ATP2C2: variants seen among roughly 807,000 people sequenced by gnomAD.
ATP2C2 encodes the protein calcium-transporting ATPase type 2C member 2.
A neutral mutation model predicts 110.8 loss-of-function variants in ATP2C2; 171 were observed. That is an observed-to-expected ratio of 1.54 (90% CI 1.36 to 1.75). The LOEUF is 1.75. Ranked by LOEUF, ATP2C2 falls within the 40% of genes most tolerant of loss-of-function variation. The probability of loss-of-function intolerance (pLI) is 0.00; values close to 1 mark genes in which losing one functional copy is unlikely to be tolerated. For missense variants in ATP2C2, 1,963 were observed against 1,235.0 expected (o/e 1.59, Z -8.84); for synonymous variants, 804 against 508.4 (o/e 1.58, Z -7.82).
chr16:84,411,024 G>A, intron 6 of ATP2C2: 2 of 536,434 alleles, frequency 3.7e-6, no homozygotes, highest in Non-Finnish European at 6.7e-6. Flanking sequence ...ACAGGTAGCA[G>A]GAGTGACTCT....
At position 84,425,002 on chromosome 16, in the gene ATP2C2, CA is replaced by C. The variant is rs575125645; in HGVS notation, c.920-732del. Among the ~76,000 whole-genome samples the C allele has an allele frequency of 5.3e-3, 806 of 152,240 alleles. 9 individuals carry two copies. The highest frequency in any genetic ancestry group is 0.019 in the African/African-American group (769 of 41,512). On this transcript the variant is annotated intron_variant, in intron 10 of 26. Coordinates refer to ENST00000262429, the MANE Select transcript of ATP2C2 (RefSeq NM_014861.4). ...TTCATTTGGGTTCTAGCTAAGATTT[CA>C]GCTGATGACTGAGTTTAGTAGCCAA...
chr16:84,427,836 G>C (rs76873597), intron 11 of ATP2C2, among the ~76,000 whole-genome samples: 1,788 of 152,218 alleles, frequency 0.012, 27 homozygotes, highest in African/African-American at 0.041. Flanking sequence ...GTTTCCTTCG[G>C]GGGTGAAGAA....
chr16:84,435,880 C>T (rs1053898545), intron 11 of ATP2C2, among the ~76,000 whole-genome samples: 2 of 151,550 alleles, frequency 1.3e-5, no homozygotes, highest in Non-Finnish European at 2.9e-5. Flanking sequence ...TGTGATCCCA[C>T]CACTTTGGGA....
intron 4 of ATP2C2, among the ~76,000 whole-genome samples, chr16:84,409,095 A>C (rs1020072765): frequency 6.6e-6 from 1 of 152,122 alleles, no homozygotes; most frequent in Non-Finnish European, 1.5e-5. Context: ...TGAATGACCT[A>C]TTCTGGATAT....
intron 21 of ATP2C2, among the ~76,000 whole-genome samples, chr16:84,458,727 T>G (rs546946611): frequency 6.6e-6 from 1 of 152,182 alleles, no homozygotes; most frequent in Non-Finnish European, 1.5e-5. Flanking sequence ...CCTCCGGACC[T>G]CATTTTTAGG....
At position 84,460,811 on chromosome 16, in the gene ATP2C2, G is replaced by A. The variant is rs770577625; in HGVS notation, c.2481+10G>A. The A allele has an allele frequency of 4.3e-5, 69 of 1,606,578 alleles. No individual in the cohort carries two copies. Among genetic ancestry groups the A allele is most frequent in the Non-Finnish European group, 5.9e-5 (69 of 1,175,304 alleles). On this transcript the variant is annotated intron_variant, in intron 24 of 26. Transcript: ENST00000262429. ...TATCTTCTGGAAGGAGGTGAGCGAG[G>A]GTCACCCCGGCCTGTTCTCCAAGCC... is the stretch of plus-strand genomic sequence containing the variant.
intron 7 of ATP2C2, among the ~76,000 whole-genome samples, chr16:84,418,799 T>C (rs1178639125): frequency 6.6e-6 from 1 of 152,228 alleles, no homozygotes; most frequent in Non-Finnish European, 1.5e-5. Context: ...ATGTATCCGT[T>C]GCCCATGGCT....
chr16:84,391,187 G>A (rs1904642821), intron 1 of ATP2C2, among the ~76,000 whole-genome samples: 2 of 151,880 alleles, frequency 1.3e-5, no homozygotes, highest in African/African-American at 4.8e-5. Flanking sequence ...TGATGGAGAG[G>A]GAGAATTAGG....
At chr16:84,381,809 T>C (rs1910594907) in intron 1 of ATP2C2, among the ~76,000 whole-genome samples, 1 of 152,162 alleles carries the variant, frequency 6.6e-6, no homozygotes. Context: ...AATGAACATC[T>C]ATGGATATAC....
chr16:84,453,349 A>G lies in ATP2C2; in HGVS notation c.1958A>G (p.Lys653Arg), dbSNP rs1408290755. The change falls in exon 20 of 27, where the codon AAG (lysine) becomes AGG (arginine). Residue 653 changes from lysine to arginine, a missense_variant. Transcript: ENST00000262429. ...KVSVFFRTSP[K>R]HKLKIIKALQ... Reference sequence around the variant, plus strand: ...TCCGTGTTCTTCAGGACCAGCCCAAAGCACAAGCTCAAAATCATCAAGGTT... The same window carrying G: ...TCCGTGTTCTTCAGGACCAGCCCAAGGCACAAGCTCAAAATCATCAAGGTT... 1.2e-6 allele frequency: 2 copies of G among 1,614,164 alleles called. No individual in the cohort carries two copies. The highest frequency in any genetic ancestry group is 8.5e-7 in the Non-Finnish European group (1 of 1,180,018).
intron 3 of ATP2C2, 88 bp downstream of exon 3, chr16:84,405,332 G>T (rs1442662162): frequency 1.7e-6 from 2 of 1,183,466 alleles, no homozygotes; most frequent in Admixed American, 2.0e-5. Flanking sequence ...TTGATGGAAG[G>T]CATCCTTGGA....
At chr16:84,371,259 G>C (rs898909067) in intron 1 of ATP2C2, among the ~76,000 whole-genome samples, 3 of 152,182 alleles carry the variant, frequency 2.0e-5, no homozygotes, top group Non-Finnish European at 4.4e-5. Context: ...GCTCATGCCT[G>C]TCATCCCCAC....
chr16:84,407,464 G>C (rs1384664851), intron 3 of ATP2C2: 2 of 152,044 alleles, frequency 1.3e-5, no homozygotes, highest in Admixed American at 1.3e-4. Flanking sequence ...GCCCAGACCA[G>C]GTGCATTATT....
Position 84,412,264 on chromosome 16 carries a change from A to G in ATP2C2, c.515+1499A>G, listed in dbSNP as rs932637465. Among the ~76,000 whole-genome samples, 4 of 126,942 alleles carry G rather than the reference A, an allele frequency of 3.2e-5. 1 individual carries two copies. Among genetic ancestry groups the G allele is most frequent in the South Asian group, 4.9e-4 (2 of 4,064 alleles). 83.3% of individuals were successfully genotyped at this position (126,942 alleles called of 152,430 possible). A position where few individuals can be genotyped will look rare whatever the true frequency, so the allele number is the denominator to read the frequency against. On this transcript the variant is annotated intron_variant, in intron 6 of 26. Coordinates refer to ENST00000262429, the MANE Select transcript of ATP2C2 (RefSeq NM_014861.4). ...TAAACCTGATTGTGTATGTGTGTGT[A>G]TGTATGTGTGTACGTGTGTGCACGT...
In ATP2C2 at chr16:84,422,508, T is replaced by C; in HGVS notation, c.743T>C (p.Met248Thr). The C allele has an allele frequency of 6.2e-7, 1 of 1,614,148 alleles. No homozygotes were observed. The highest frequency in any genetic ancestry group is 8.5e-7 in the Non-Finnish European group (1 of 1,180,016). The change falls in exon 8 of 27, where the codon ATG becomes ACG. Residue 248 changes from methionine to threonine, a missense_variant. By Grantham distance (81) the Met-to-Thr change is moderately conservative (BLOSUM62 -1). Transcript: ENST00000262429. ...DLTTLSNIVFMGTLVQYGRGQ... is the reference protein window; with the variant it reads ...DLTTLSNIVFTGTLVQYGRGQ... ...ACCACCCTCAGCAACATCGTCTTCA[T>C]GGGGACCCTGGTGCAGTATGGGAGG...
intron 7 of ATP2C2, among the ~76,000 whole-genome samples, chr16:84,419,669 C>A (rs1907154552): frequency 6.6e-6 from 1 of 152,140 alleles, no homozygotes; most frequent in Admixed American, 6.5e-5. Context: ...CGACCCCACT[C>A]CCCATCCACA....
chr16:84,386,231 G>C (rs150039171), intron 1 of ATP2C2, among the ~76,000 whole-genome samples: 4 of 152,122 alleles, frequency 2.6e-5, no homozygotes, highest in African/African-American at 9.7e-5. Context: ...GGGTGCCATG[G>C]CTCCTGGGCC....
intron 13 of ATP2C2, among the ~76,000 whole-genome samples, chr16:84,440,421 C>A (rs1489114907): frequency 2.0e-5 from 3 of 152,222 alleles, no homozygotes; most frequent in Admixed American, 6.5e-5. Context: ...ATAAAGTTTC[C>A]TTGGTGTACC....
chr16:84,396,224 G>T (rs1394371318), intron 1 of ATP2C2, among the ~76,000 whole-genome samples: 1 of 26,836 alleles, frequency 3.7e-5, no homozygotes, highest in Non-Finnish European at 7.6e-5. Context: ...AGCATCGGGC[G>T]TGTGTGTGTG....
Sources: allele counts gnomAD v4.1 joint callset (sites outside exome capture counted in the v4.1 genomes callset), GRCh38; gene constraint gnomAD v4.1.1; transcripts MANE v1.5; gene names NCBI Gene and HGNC (gene_info 2026-07-23, HGNC 2026-07-21).